ABCB5: variants seen among roughly 807,000 people sequenced by gnomAD.
ABCB5 encodes the protein ATP-binding cassette sub-family B member 5.
Under a neutral mutation model 144.2 loss-of-function variants are expected in ABCB5, and 155 were observed. The ratio of observed to expected loss-of-function variants is 1.08; its 90% CI spans 0.94 to 1.23. ABCB5 has a LOEUF of 1.23. Ranked by LOEUF, ABCB5 falls within the 50% of genes most tolerant of loss-of-function variation. The probability of loss-of-function intolerance (pLI) is 0.00; values close to 1 mark genes in which losing one functional copy is unlikely to be tolerated. For synonymous variants in ABCB5, 610 were observed against 528.6 expected (o/e 1.15, Z -2.11); for missense variants, 1,830 against 1,520.8 (o/e 1.20, Z -3.38).
chr7:20,667,130 T>G, intron 14 of ABCB5: 2 of 825,682 alleles, frequency 2.4e-6, no homozygotes, highest in Non-Finnish European at 2.9e-6. Flanking sequence ...TTTTTTCCCT[T>G]TTAAGTTATT....
At chr7:20,630,816 A>G (rs1784020529) in intron 4 of ABCB5, among the ~76,000 whole-genome samples, 1 of 150,980 alleles carries the variant, frequency 6.6e-6, no homozygotes, top group Admixed American at 6.6e-5. Context: ...TAGGCTAGGC[A>G]CTACATATCT....
Position 20,643,543 on chromosome 7 carries a change from G to C in ABCB5, c.589G>C (p.Ala197Pro). 2 of 1,613,960 alleles carry C rather than the reference G, an allele frequency of 1.2e-6. No homozygotes were observed. The highest frequency in any genetic ancestry group is 1.1e-5 in the South Asian group (1 of 91,080). ...CATGTCTACTTTTTCGATTGGCCTG[G>C]CAGTTGGTTTGGTGAAGGGCTGGAA... ...QNMSTFSIGL[A>P]VGLVKGWKLT... Residue 197 changes from alanine to proline, a missense_variant, in exon 7 of 28, where the codon GCA (alanine) becomes CCA (proline). Ala to Pro is a conservative substitution (Grantham distance 27, BLOSUM62 -1). Transcript: ENST00000404938.
Position 20,712,953 on chromosome 7 carries a change from A to G in ABCB5, c.2421+8146A>G, listed in dbSNP as rs554308006. ...TTGGTAATTTTCAAGTTTACAATACATTATTATTAACTATAGTTACCACGA... is the reference window on the plus strand; with the variant it reads ...TTGGTAATTTTCAAGTTTACAATACGTTATTATTAACTATAGTTACCACGA... On this transcript the variant is annotated intron_variant, in intron 20 of 27. Transcript: ENST00000404938. Among the ~76,000 whole-genome samples the G allele has an allele frequency of 3.3e-4, 49 of 149,836 alleles. 5 individuals carry two copies. The highest frequency in any genetic ancestry group is 1.2e-3 in the African/African-American group (49 of 40,620).
At chr7:20,746,233 G>A (rs2128056244) in intron 26 of ABCB5, among the ~76,000 whole-genome samples, 1 of 152,262 alleles carries the variant, frequency 6.6e-6, no homozygotes, top group Middle Eastern at 3.4e-3. Flanking sequence ...AAGTAGCTGG[G>A]ATTACAGGCA....
intron 16 of ABCB5, among the ~76,000 whole-genome samples, chr7:20,693,734 T>C (rs922827891): frequency 4.6e-5 from 7 of 151,732 alleles, no homozygotes; most frequent in African/African-American, 1.5e-4. Context: ...CAAAGCTGGT[T>C]CTCTGGGAAC....
At chr7:20,678,902 C>T (rs950685146) in intron 14 of ABCB5, among the ~76,000 whole-genome samples, 3 of 152,104 alleles carry the variant, frequency 2.0e-5, no homozygotes, top group Admixed American at 6.6e-5. Flanking sequence ...AATACGCTGC[C>T]GGGACACCTG....
In ABCB5 at chr7:20,755,775, C is replaced by A; in HGVS notation, c.*151C>A. 1.3e-6 allele frequency: 1 copy of A among 748,400 alleles called. No individual in the cohort carries two copies. Among genetic ancestry groups the A allele is most frequent in the Non-Finnish European group, 2.1e-6 (1 of 482,324 alleles). The allele number at this position is 748,400 out of a possible 1,614,324, so 46.4% of individuals were successfully genotyped here. A position where few individuals can be genotyped will look rare whatever the true frequency, so the allele number is the denominator to read the frequency against. On this transcript the variant is annotated 3_prime_UTR_variant, in exon 28 of 28. Coordinates refer to ENST00000404938, the MANE Select transcript of ABCB5 (RefSeq NM_001163941.2). The stretch of plus-strand genomic sequence containing the variant: ...CATACATGTTCTATTCACACACCAT[C>A]TGACCTTCAGATTTTTAAAAGGAAG...
At chr7:20,638,566 G>C (rs1583384376) in intron 5 of ABCB5, among the ~76,000 whole-genome samples, 1 of 152,142 alleles carries the variant, frequency 6.6e-6, no homozygotes, top group Non-Finnish European at 1.5e-5. Context: ...CATCTCAAAA[G>C]ATTTGCATAT....
intron 14 of ABCB5, among the ~76,000 whole-genome samples, chr7:20,669,166 G>A (rs1326538282): frequency 1.1e-4 from 16 of 149,184 alleles, no homozygotes; most frequent in African/African-American, 4.0e-4. Context: ...CTTCTGCCCG[G>A]CCGCCCCTAC....
intron 7 of ABCB5, among the ~76,000 whole-genome samples, chr7:20,643,897 G>C (rs1333743240): frequency 2.6e-5 from 4 of 152,170 alleles, no homozygotes; most frequent in Non-Finnish European, 5.9e-5. Flanking sequence ...AACTTCAAGT[G>C]GTAGCATGGA....
chr7:20,634,710 C>T (rs1784113811), intron 5 of ABCB5, among the ~76,000 whole-genome samples: 4 of 152,036 alleles, frequency 2.6e-5, no homozygotes, highest in Admixed American at 2.6e-4. Context: ...TGAAAAGTGT[C>T]TGCTCATGTC....
At chr7:20,740,617 A>T (rs1271303681) in intron 24 of ABCB5, among the ~76,000 whole-genome samples, 1 of 152,172 alleles carries the variant, frequency 6.6e-6, no homozygotes, top group Non-Finnish European at 1.5e-5. Flanking sequence ...TATATGTATA[A>T]CAGTATTGCT....
rs74883475 is a variant in ABCB5, at chr7:20,733,320, A to G, written c.2867+4865A>G. 8.1e-4 allele frequency among the ~76,000 whole-genome samples: 124 copies of G among 152,294 alleles called. No individual in the cohort carries two copies. In the East Asian group the frequency reaches 0.017, roughly 21 times the overall value. On this transcript the variant is annotated intron_variant, in intron 23 of 27. Transcript: ENST00000404938. ...TCAAAGTTGGGCTGATTCCTCACAT[A>G]TAAATGGAACAGGTGACCTGCTTAG...
intron 2 of ABCB5, among the ~76,000 whole-genome samples, chr7:20,626,309 T>A (rs187307264): frequency 4.1e-3 from 620 of 152,328 alleles, no homozygotes; most frequent in Middle Eastern, 0.01. Context: ...GAAGATAAAG[T>A]CTACATTATA....
chr7:20,665,365 T>C (rs893128137), intron 14 of ABCB5, among the ~76,000 whole-genome samples: 1 of 152,158 alleles, frequency 6.6e-6, no homozygotes, highest in African/African-American at 2.4e-5. Context: ...TAACCCCACA[T>C]TGTTGAGCCC....
chr7:20,648,646 AGTT>A (rs995839637), intron 11 of ABCB5, among the ~76,000 whole-genome samples: 1 of 152,312 alleles, frequency 6.6e-6, no homozygotes, highest in Non-Finnish European at 1.5e-5. Flanking sequence ...CCAAAAAAGT[AGTT>A]GTTGTTAAAG....
chr7:20,674,328 CAT>C (rs1785539414), intron 14 of ABCB5, among the ~76,000 whole-genome samples: 1 of 151,838 alleles, frequency 6.6e-6, no homozygotes, highest in Non-Finnish European at 1.5e-5. Flanking sequence ...TTTCAGCTGT[CAT>C]ATGTTTTTGT....
intron 13 of ABCB5, among the ~76,000 whole-genome samples, chr7:20,652,151 C>T (rs147711911): frequency 3.9e-5 from 6 of 152,262 alleles, no homozygotes; most frequent in East Asian, 3.9e-4. Flanking sequence ...TGTTTATTTG[C>T]GAGGCCATCT....
chr7:20,713,106 G>C lies in ABCB5; in HGVS notation c.2421+8299G>C, dbSNP rs937746992. On this transcript the variant is annotated intron_variant, in intron 20 of 27. Coordinates refer to ENST00000404938, the MANE Select transcript of ABCB5 (RefSeq NM_001163941.2). Reference sequence around the variant, plus strand: ...TTTTACTCTCTGTCTCTATGAGTTTGGCTTTTTTAGATTCTACATATAAGT... The same window carrying C: ...TTTTACTCTCTGTCTCTATGAGTTTCGCTTTTTTAGATTCTACATATAAGT... Among the ~76,000 whole-genome samples, 22 of 149,556 alleles carry C rather than the reference G, an allele frequency of 1.5e-4. 1 individual carries two copies. Among genetic ancestry groups the C allele is most frequent in the African/African-American group, 5.2e-4 (21 of 40,412 alleles).
Sources: gnomAD v4.1 joint callset for allele counts (sites outside exome capture counted in the v4.1 genomes callset) on GRCh38, gnomAD v4.1.1 for gene constraint, MANE v1.5 for transcripts, NCBI Gene and HGNC (gene_info 2026-07-23, HGNC 2026-07-21) for gene names.